CDPF1: variants seen among roughly 807,000 people sequenced by gnomAD.
The protein encoded by CDPF1 is cysteine rich DPF motif domain containing 1, also known as cysteine-rich DPF motif domain-containing protein 1.
CDPF1 carries 8 observed loss-of-function variants against 8.3 expected under a neutral mutation model. The ratio of observed to expected loss-of-function variants is 0.96; its 90% CI spans 0.57 to 1.74. CDPF1 has a LOEUF of 1.74. Among genes scored for constraint, CDPF1 ranks in the 40% most tolerant of loss-of-function variants. The pLI is 0.00. For missense variants in CDPF1, 151 were observed against 155.3 expected (o/e 0.97, Z 0.15); for synonymous variants, 62 against 62.9 (o/e 0.99, Z 0.07).
rs1601849039 is a variant in CDPF1, at chr22:46,249,737, G to C, written c.-1+519C>G. Among the ~76,000 whole-genome samples the C allele has an allele frequency of 6.7e-6, 1 of 149,778 alleles. No individual in the cohort carries two copies. The highest frequency in any genetic ancestry group is 2.1e-4 in the South Asian group (1 of 4,654). ...TAATCTCATCTACTCAGGAGACTGA[G>C]GTAGGAGAATCGCTTGAGCGGGGGG... On this transcript the variant is annotated intron_variant, in intron 1 of 3. Coordinates refer to ENST00000314567, the MANE Select transcript of CDPF1 (RefSeq NM_207327.5). The surrounding 1 kb of genome is among the most constrained non-coding windows in gnomAD (Gnocchi z 4.6).
At position 46,247,335 on chromosome 22, in the gene CDPF1, G is replaced by A. The variant is rs1936507238; in HGVS notation, c.114-114C>T. Reference sequence around the variant, plus strand: ...GCACCTCTGCAGGGCCTGCATACCTGCGTGGGCTCATCAGGGCAGGGGACT... The same window carrying A: ...GCACCTCTGCAGGGCCTGCATACCTACGTGGGCTCATCAGGGCAGGGGACT... On this transcript the variant is annotated intron_variant, in intron 2 of 3. Coordinates refer to ENST00000314567, the MANE Select transcript of CDPF1 (RefSeq NM_207327.5). The surrounding 1 kb of genome is among the most constrained non-coding windows in gnomAD (Gnocchi z 4.3). 5.5e-6 allele frequency: 4 copies of A among 724,532 alleles called. No homozygotes were observed. The highest frequency in any genetic ancestry group is 3.5e-5 in the African/African-American group (2 of 57,458). The allele number at this position is 724,532 out of a possible 1,614,324, so 44.9% of individuals were successfully genotyped here.
rs1279273945 is a variant in CDPF1, at chr22:46,247,370, G to A, written c.114-149C>T. ...ATCAGGGCAGGGGACTAGGCCACCC[G>A]TGCTGCAGGGCAGTGACAGAAAGGA... is the stretch of plus-strand genomic sequence containing the variant. On this transcript the variant is annotated intron_variant, in intron 2 of 3. Coordinates refer to ENST00000314567, the MANE Select transcript of CDPF1 (RefSeq NM_207327.5). The surrounding 1 kb of genome is among the most constrained non-coding windows in gnomAD (Gnocchi z 4.3). 8 of 625,266 alleles carry A rather than the reference G, an allele frequency of 1.3e-5. No homozygotes were observed. The highest frequency in any genetic ancestry group is 3.6e-5 in the African/African-American group (2 of 55,268). 38.7% of individuals were successfully genotyped at this position (625,266 alleles called of 1,614,324 possible). A position where few individuals can be genotyped will look rare whatever the true frequency, so the allele number is the denominator to read the frequency against.
In CDPF1 at chr22:46,248,163, T is replaced by A; in HGVS notation, c.113+9A>T. On this transcript the variant is annotated intron_variant, in intron 2 of 3. Coordinates refer to ENST00000314567, the MANE Select transcript of CDPF1 (RefSeq NM_207327.5). The surrounding 1 kb of genome is among the most constrained non-coding windows in gnomAD (Gnocchi z 4.1). The stretch of plus-strand genomic sequence containing the variant: ...CTCCCCGGCACTGGCCCAAAAGGCA[T>A]GCACTCACACCATCGACTGGGTGTT... 1 of 1,603,020 alleles carries A rather than the reference T, an allele frequency of 6.2e-7. No homozygotes were observed. The highest frequency in any genetic ancestry group is 8.5e-7 in the Non-Finnish European group (1 of 1,170,888).
At position 46,248,575 on chromosome 22, in the gene CDPF1, C is replaced by T. The variant is rs1039737207; in HGVS notation, c.1-291G>A. ...TTCCAGGTCTGCACCACGGTAAAAG[C>T]GTTCCGGTCTCCTGCTCTGCCCCAT... On this transcript the variant is annotated intron_variant, in intron 1 of 3. Coordinates refer to ENST00000314567, the MANE Select transcript of CDPF1 (RefSeq NM_207327.5). This position sits in a 1 kb window ranked among gnomAD's most constrained non-coding sequence, Gnocchi z 4.1. 5.3e-5 allele frequency among the ~76,000 whole-genome samples: 8 copies of T among 152,220 alleles called. No individual in the cohort carries two copies. The highest frequency in any genetic ancestry group is 1.9e-4 in the African/African-American group (8 of 41,456).
At position 46,249,251 on chromosome 22, in the gene CDPF1, G is replaced by A. The variant is rs9626823; in HGVS notation, c.1-967C>T. ...TAGCTCTTGGCTGTGACCTCCCCTC[G>A]CCTGAACTGAGCGTGGTGTATAAAG... On this transcript the variant is annotated intron_variant, in intron 1 of 3. Coordinates refer to ENST00000314567, the MANE Select transcript of CDPF1 (RefSeq NM_207327.5). This position sits in a 1 kb window ranked among gnomAD's most constrained non-coding sequence, Gnocchi z 4.6. Among the ~76,000 whole-genome samples, 14,569 of 152,132 alleles carry A rather than the reference G, an allele frequency of 0.096. 773 individuals are homozygous for A. The highest frequency in any genetic ancestry group is 0.11 in the Non-Finnish European group (7,644 of 67,988).
chr22:46,246,559 T>C lies in CDPF1; in HGVS notation c.225+551A>G. ...GGGCACGCTGTGAAAGCCATGCTGC[T>C]CCACTTCCATCCGTCCTTGGGTTTA... On this transcript the variant is annotated intron_variant, in intron 3 of 3. Coordinates refer to ENST00000314567, the MANE Select transcript of CDPF1 (RefSeq NM_207327.5). The surrounding 1 kb of genome is among the most constrained non-coding windows in gnomAD (Gnocchi z 7.1). 1 of 1,312,264 alleles carries C rather than the reference T, an allele frequency of 7.6e-7. No individual in the cohort carries two copies. Among genetic ancestry groups the C allele is most frequent in the Non-Finnish European group, 1.0e-6 (1 of 961,812 alleles). 81.3% of individuals were successfully genotyped at this position (1,312,264 alleles called of 1,614,324 possible).
At position 46,244,958 on chromosome 22, in the gene CDPF1, G is replaced by A. The variant is rs1430014274; in HGVS notation, c.*134C>T. The A allele has an allele frequency of 4.3e-6, 5 of 1,157,460 alleles. No homozygotes were observed. Among genetic ancestry groups the A allele is most frequent in the Non-Finnish European group, 6.1e-6 (5 of 820,656 alleles). The allele number at this position is 1,157,460 out of a possible 1,614,324, so 71.7% of individuals were successfully genotyped here. A position where few individuals can be genotyped will look rare whatever the true frequency, so the allele number is the denominator to read the frequency against. ...CTCCAAGCTGGACTCCAGCTCCCCT[G>A]GGCTGCAGTGCTGCTCCCAGTGGTC... On this transcript the variant is annotated 3_prime_UTR_variant, in exon 4 of 4. Coordinates refer to ENST00000314567, the MANE Select transcript of CDPF1 (RefSeq NM_207327.5). The surrounding 1 kb of genome is among the most constrained non-coding windows in gnomAD (Gnocchi z 6.7).
chr22:46,244,818 T>G lies in CDPF1; in HGVS notation c.*274A>C, dbSNP rs1936460052. 1 of 432,816 alleles carries G rather than the reference T, an allele frequency of 2.3e-6. No homozygotes were observed. 26.8% of individuals were successfully genotyped at this position (432,816 alleles called of 1,614,324 possible). ...TCAGTCACATCTGAGCAGCACTCAC[T>G]CAGGCCTGGGCCCTGAGGGGCATGT... On this transcript the variant is annotated 3_prime_UTR_variant, in exon 4 of 4. Coordinates refer to ENST00000314567, the MANE Select transcript of CDPF1 (RefSeq NM_207327.5). This position sits in a 1 kb window ranked among gnomAD's most constrained non-coding sequence, Gnocchi z 6.7.
Position 46,247,262 on chromosome 22 carries a change from C to T in CDPF1, c.114-41G>A. On this transcript the variant is annotated intron_variant, in intron 2 of 3. Coordinates refer to ENST00000314567, the MANE Select transcript of CDPF1 (RefSeq NM_207327.5). The surrounding 1 kb of genome is among the most constrained non-coding windows in gnomAD (Gnocchi z 4.3). ...TGCAGCGTCAGAACAGCCCAAATCT[C>T]TGCCGTCGGAAAATCAGCCATGACC... The T allele has an allele frequency of 7.1e-7, 1 of 1,403,404 alleles. No homozygotes were observed. The highest frequency in any genetic ancestry group is 1.0e-6 in the Non-Finnish European group (1 of 998,016). The allele number at this position is 1,403,404 out of a possible 1,614,324, so 86.9% of individuals were successfully genotyped here.
In CDPF1 at chr22:46,248,381, C is replaced by G. The variant is rs1355155311; in HGVS notation, c.1-97G>C. 2.7e-6 allele frequency: 2 copies of G among 732,364 alleles called. No individual in the cohort carries two copies. The highest frequency in any genetic ancestry group is 4.7e-6 in the Non-Finnish European group (2 of 429,350). 45.4% of individuals were successfully genotyped at this position (732,364 alleles called of 1,614,324 possible). On this transcript the variant is annotated intron_variant, in intron 1 of 3. Coordinates refer to ENST00000314567, the MANE Select transcript of CDPF1 (RefSeq NM_207327.5). This position sits in a 1 kb window ranked among gnomAD's most constrained non-coding sequence, Gnocchi z 4.1. The stretch of plus-strand genomic sequence containing the variant: ...GAAGACCCTAACCATATAGTCCTAG[C>G]ACAGTTTCTTGCCTCCCTACCGTAC...
Position 46,247,179 on chromosome 22 carries a change from G to A in CDPF1, c.156C>T (p.Ser52=), listed in dbSNP as rs374135528. 4.3e-5 allele frequency: 70 copies of A among 1,613,938 alleles called. No individual in the cohort carries two copies. Among genetic ancestry groups the A allele is most frequent in the South Asian group, 1.6e-4 (15 of 91,058 alleles). ...ESYVMKDPFT[S]DKDRFLVLGS... ...CGAGGACCAGGAATCTGTCCTTGTCGGAGGTGAAGGGATCCTTCATGACAT... is the reference window on the plus strand; with the variant it reads ...CGAGGACCAGGAATCTGTCCTTGTCAGAGGTGAAGGGATCCTTCATGACAT... Residue 52 remains serine (S), a synonymous_variant, in exon 3 of 4, where the codon TCC becomes TCT. Coordinates refer to ENST00000314567, the MANE Select transcript of CDPF1 (RefSeq NM_207327.5). This position sits in a 1 kb window ranked among gnomAD's most constrained non-coding sequence, Gnocchi z 4.3.
chr22:46,245,224 G>A lies in CDPF1; in HGVS notation c.240C>T (p.Phe80=). The A allele has an allele frequency of 1.2e-6, 2 of 1,614,138 alleles. No individual in the cohort carries two copies. Among genetic ancestry groups the A allele is most frequent in the Non-Finnish European group, 1.7e-6 (2 of 1,179,962 alleles). ...AAGGGAGGCAGAATCTCTTGGAGTA[G>A]AATAAACTGCATTCCTTAAAGAAGT... ...LVCVGPECSL[F]YSKRFCLPCV... The change falls in exon 4 of 4, where the codon TTC becomes TTT. Residue 80 remains phenylalanine, a synonymous_variant. Transcript: ENST00000314567. This position sits in a 1 kb window ranked among gnomAD's most constrained non-coding sequence, Gnocchi z 6.9.
rs1248880901 is a variant in CDPF1 at position 46,249,953 on chromosome 22, G to A, written c.-1+303C>T. ...TAGGCCCCTGCCGAGGCTCCTGGGG[G>A]CGGTGCCTGTGAACAGGGACGGCTG... On this transcript the variant is annotated intron_variant, in intron 1 of 3. Coordinates refer to ENST00000314567, the MANE Select transcript of CDPF1 (RefSeq NM_207327.5). The surrounding 1 kb of genome is among the most constrained non-coding windows in gnomAD (Gnocchi z 4.6). Among the ~76,000 whole-genome samples the A allele has an allele frequency of 6.6e-6, 1 of 152,224 alleles. No homozygotes were observed. The highest frequency in any genetic ancestry group is 1.9e-4 in the East Asian group (1 of 5,174).
rs1333936307 is a variant in CDPF1 at position 46,245,470 on chromosome 22, G to A, written c.226-232C>T. ...GGGCTACCCTGGGTGGGAACAGCTGGGATGGGACAGAAAGACTCTGGGGCC... is the reference window on the plus strand; with the variant it reads ...GGGCTACCCTGGGTGGGAACAGCTGAGATGGGACAGAAAGACTCTGGGGCC... On this transcript the variant is annotated intron_variant, in intron 3 of 3. Transcript: ENST00000314567. This position sits in a 1 kb window ranked among gnomAD's most constrained non-coding sequence, Gnocchi z 6.9. Among the ~76,000 whole-genome samples, 2 of 152,204 alleles carry A rather than the reference G, an allele frequency of 1.3e-5. No individual in the cohort carries two copies. Among genetic ancestry groups the A allele is most frequent in the Non-Finnish European group, 2.9e-5 (2 of 68,032 alleles).
At position 46,245,907 on chromosome 22, in the gene CDPF1, C is replaced by T. The variant is rs1430558666; in HGVS notation, c.226-669G>A. Among the ~76,000 whole-genome samples the T allele has an allele frequency of 6.6e-6, 1 of 152,218 alleles. No individual in the cohort carries two copies. Among genetic ancestry groups the T allele is most frequent in the Non-Finnish European group, 1.5e-5 (1 of 68,038 alleles). ...AAGGCATGGACTGTGCTCTCACGTC[C>T]CTTCCCGCTGCCTGGGATGCAAATA... On this transcript the variant is annotated intron_variant, in intron 3 of 3. Transcript: ENST00000314567. This position sits in a 1 kb window ranked among gnomAD's most constrained non-coding sequence, Gnocchi z 6.9.
At position 46,248,834 on chromosome 22, in the gene CDPF1, A is replaced by G. The variant is rs1360668534; in HGVS notation, c.1-550T>C. On this transcript the variant is annotated intron_variant, in intron 1 of 3. Coordinates refer to ENST00000314567, the MANE Select transcript of CDPF1 (RefSeq NM_207327.5). The surrounding 1 kb of genome is among the most constrained non-coding windows in gnomAD (Gnocchi z 4.1). ...AGGAGATCGAGACCATCTAGCTAAC[A>G]TGGTGAAACCCCGCCTCTACTAAAA... Among the ~76,000 whole-genome samples the G allele has an allele frequency of 6.6e-6, 1 of 152,162 alleles. No homozygotes were observed. Among genetic ancestry groups the G allele is most frequent in the Admixed American group, 6.5e-5 (1 of 15,276 alleles).
chr22:46,245,346 C>T lies in CDPF1; in HGVS notation c.226-108G>A. On this transcript the variant is annotated intron_variant, in intron 3 of 3. Coordinates refer to ENST00000314567, the MANE Select transcript of CDPF1 (RefSeq NM_207327.5). The surrounding 1 kb of genome is among the most constrained non-coding windows in gnomAD (Gnocchi z 6.9). The stretch of plus-strand genomic sequence containing the variant: ...TTGGGGGGCTGGGCTGGGGCCCCAG[C>T]ATGCACAGTGTGGGCAGGTGGCCAG... 8.2e-7 allele frequency: 1 copy of T among 1,224,340 alleles called. No homozygotes were observed. Among genetic ancestry groups the T allele is most frequent in the Non-Finnish European group, 1.1e-6 (1 of 873,410 alleles). 75.8% of individuals were successfully genotyped at this position (1,224,340 alleles called of 1,614,324 possible). A position where few individuals can be genotyped will look rare whatever the true frequency, so the allele number is the denominator to read the frequency against.
In CDPF1 at chr22:46,244,582, G is replaced by A. The variant is rs1346785408; in HGVS notation, c.*510C>T. ...GGTCAAGGTTAAAAACATTTTCCAA[G>A]CACCACATAAGGATATGAAATAAAA... On this transcript the variant is annotated 3_prime_UTR_variant, in exon 4 of 4. Transcript: ENST00000314567. The surrounding 1 kb of genome is among the most constrained non-coding windows in gnomAD (Gnocchi z 6.7). 1.3e-5 allele frequency: 2 copies of A among 152,934 alleles called. No individual in the cohort carries two copies. The highest frequency in any genetic ancestry group is 4.8e-5 in the African/African-American group (2 of 41,436). The allele number at this position is 152,934 out of a possible 1,614,324, so 9.5% of individuals were successfully genotyped here. A position where few individuals can be genotyped will look rare whatever the true frequency, so the allele number is the denominator to read the frequency against.
Position 46,246,589 on chromosome 22 carries a change from T to G in CDPF1, c.225+521A>C. ...TTCCATCCGTCCTTGGGTTTACAGCTACCCAGGTGAACCTGGCCCACCCAG... is the reference window on the plus strand; with the variant it reads ...TTCCATCCGTCCTTGGGTTTACAGCGACCCAGGTGAACCTGGCCCACCCAG... On this transcript the variant is annotated intron_variant, in intron 3 of 3. Transcript: ENST00000314567. The surrounding 1 kb of genome is among the most constrained non-coding windows in gnomAD (Gnocchi z 7.1). The G allele has an allele frequency of 6.7e-7, 1 of 1,484,054 alleles. No homozygotes were observed. Among genetic ancestry groups the G allele is most frequent in the Non-Finnish European group, 9.1e-7 (1 of 1,102,908 alleles). 91.9% of individuals were successfully genotyped at this position (1,484,054 alleles called of 1,614,324 possible). A position where few individuals can be genotyped will look rare whatever the true frequency, so the allele number is the denominator to read the frequency against.
Sources: gnomAD v4.1 joint callset for allele counts (sites outside exome capture counted in the v4.1 genomes callset) on GRCh38, gnomAD v4.1.1 for gene constraint, Gnocchi (gnomAD v3.1) non-coding constraint, MANE v1.5 for transcripts, NCBI Gene and HGNC (gene_info 2026-07-23, HGNC 2026-07-21) for gene names.